TBCK: variants seen among roughly 807,000 people sequenced by gnomAD.
TBCK encodes TBC1 domain containing kinase, also known as TBC domain-containing protein kinase-like protein.
A neutral mutation model predicts 113.4 loss-of-function variants in TBCK; 99 were observed. That is an observed-to-expected ratio of 0.87 (90% CI 0.74 to 1.03). TBCK has a LOEUF of 1.03. Ranked by LOEUF, TBCK falls within the 50% of genes least tolerant of loss-of-function variation. The pLI is 0.00. For missense variants in TBCK, 1,045 were observed against 1,061.3 expected (o/e 0.98, Z 0.21); for synonymous variants, 369 against 370.8 (o/e 1.00, Z 0.05).
intron 20 of TBCK, among the ~76,000 whole-genome samples, chr4:106,199,252 G>A (rs1560806601): frequency 6.6e-6 from 1 of 151,968 alleles, no homozygotes; most frequent in Non-Finnish European, 1.5e-5. Flanking sequence ...TTACCAATCA[G>A]CAGGATTTGA....
At chr4:106,233,701 T>G in intron 15 of TBCK, 51 bp from the exon 16 acceptor site, 1 of 1,353,198 alleles carries the variant, frequency 7.4e-7, no homozygotes, top group South Asian at 1.3e-5. Flanking sequence ...TTAATACAAA[T>G]AGTAATATAG....
Position 106,119,424 on chromosome 4 carries a change from T to C in TBCK, c.2236-3046A>G, listed in dbSNP as rs193197453. Among the ~76,000 whole-genome samples, 416 of 152,116 alleles carry C rather than the reference T, an allele frequency of 2.7e-3. 2 individuals carry two copies. The highest frequency in any genetic ancestry group is 4.1e-3 in the Non-Finnish European group (279 of 67,974). ...CTTTCAGTAGGGGAAAGGACAGTCT[T>C]TTCAATAAATGGTGCTAGAAAAACT... On this transcript the variant is annotated intron_variant, in intron 23 of 25. Transcript: ENST00000394708.
At chr4:106,202,204 G>T (rs1315760576) in intron 20 of TBCK, among the ~76,000 whole-genome samples, 1 of 150,768 alleles carries the variant, frequency 6.6e-6, no homozygotes, top group Non-Finnish European at 1.5e-5. Flanking sequence ...AATTAGGAGA[G>T]GCATGAGCAG....
intron 24 of TBCK, among the ~76,000 whole-genome samples, chr4:106,099,040 T>C (rs1201125204): frequency 1.3e-5 from 2 of 152,144 alleles, no homozygotes; most frequent in African/African-American, 4.8e-5. Flanking sequence ...TCTAGGTTTC[T>C]AAGATATTAA....
intron 23 of TBCK, among the ~76,000 whole-genome samples, chr4:106,155,976 T>C (rs1749077846): frequency 6.6e-6 from 1 of 152,086 alleles, no homozygotes; most frequent in Non-Finnish European, 1.5e-5. Flanking sequence ...ATTGAAGAGT[T>C]AGGTATTTAT....
chr4:106,242,986 G>T (rs1482435253), intron 11 of TBCK, among the ~76,000 whole-genome samples: 1 of 151,030 alleles, frequency 6.6e-6, no homozygotes, highest in Non-Finnish European at 1.5e-5. Context: ...TCTTGCGATA[G>T]TTTACTGAGA....
chr4:106,195,513 T>C (rs1481167271), intron 20 of TBCK, among the ~76,000 whole-genome samples: 1 of 151,962 alleles, frequency 6.6e-6, no homozygotes, highest in Non-Finnish European at 1.5e-5. Flanking sequence ...TGTGTGTTTG[T>C]GTGTGATGGT....
intron 19 of TBCK, among the ~76,000 whole-genome samples, chr4:106,223,157 T>C (rs1043550184): frequency 6.6e-6 from 1 of 152,100 alleles, no homozygotes; most frequent in East Asian, 1.9e-4. Flanking sequence ...AGATGTGCAC[T>C]AAGCTGCACA....
intron 5 of TBCK, among the ~76,000 whole-genome samples, chr4:106,253,608 C>T (rs147115780): frequency 4.6e-5 from 7 of 152,296 alleles, no homozygotes; most frequent in African/African-American, 1.7e-4. Flanking sequence ...TCTTCACCAA[C>T]ACTTGATATT....
At chr4:106,255,045 A>G in intron 5 of TBCK, 2 of 347,586 alleles carry the variant, frequency 5.8e-6, no homozygotes, top group Non-Finnish European at 1.2e-5. Flanking sequence ...TCTCTTTCAC[A>G]TACTGAATTT....
intron 23 of TBCK, among the ~76,000 whole-genome samples, chr4:106,123,766 A>G (rs1225961391): frequency 6.6e-6 from 1 of 151,530 alleles, no homozygotes; most frequent in Admixed American, 6.6e-5. Flanking sequence ...TTCCCTATTT[A>G]ATAAATGGTG....
rs1212840423 is a variant in TBCK at position 106,218,946 on chromosome 4, G to A, written c.1775-6111C>T. Among the ~76,000 whole-genome samples, 39 of 151,888 alleles carry A rather than the reference G, an allele frequency of 2.6e-4. 1 individual carries two copies. The highest frequency in any genetic ancestry group is 4.2e-4 in the South Asian group (2 of 4,780). On this transcript the variant is annotated intron_variant, in intron 19 of 25. Transcript: ENST00000394708. ...ATATGTTTATTGTGGCATTATTCAC[G>A]ATAGCAAAGACTTGGAACCAACCCA...
intron 20 of TBCK, among the ~76,000 whole-genome samples, chr4:106,211,124 TGAGCACAA>T (rs1230138748): frequency 6.6e-6 from 1 of 152,186 alleles, no homozygotes; most frequent in Non-Finnish European, 1.5e-5. Flanking sequence ...TGTTCAGTGC[TGAGCACAA>T]TTTAATTAGG....
At chr4:106,092,417 C>T (rs1241251085) in intron 25 of TBCK, among the ~76,000 whole-genome samples, 1 of 152,246 alleles carries the variant, frequency 6.6e-6, no homozygotes, top group Non-Finnish European at 1.5e-5. Context: ...AGCCCTTGGG[C>T]AGTCGATGGG....
chr4:106,281,355 T>C (rs1431372826), intron 3 of TBCK, among the ~76,000 whole-genome samples: 1 of 152,102 alleles, frequency 6.6e-6, no homozygotes, highest in Non-Finnish European at 1.5e-5. Context: ...GATCATATTA[T>C]CTGTTAACAA....
intron 3 of TBCK, among the ~76,000 whole-genome samples, chr4:106,272,482 T>C (rs563174832): frequency 8.5e-4 from 126 of 149,098 alleles, no homozygotes; most frequent in Non-Finnish European, 1.2e-3. Context: ...AGTCATTGTT[T>C]ATTTAATTTT....
intron 23 of TBCK, among the ~76,000 whole-genome samples, chr4:106,147,716 C>A (rs916522111): frequency 6.6e-6 from 1 of 151,892 alleles, no homozygotes; most frequent in African/African-American, 2.4e-5. Flanking sequence ...GTGATAATTG[C>A]ATTAACTGCA....
chr4:106,057,033 A>C (rs1014483660), intron 25 of TBCK, among the ~76,000 whole-genome samples: 5 of 151,828 alleles, frequency 3.3e-5, no homozygotes, highest in African/African-American at 1.2e-4. Context: ...GAAAGTAAGG[A>C]AAGAAAGTGA....
At chr4:106,129,104 C>G (rs1292812294) in intron 23 of TBCK, among the ~76,000 whole-genome samples, 1 of 152,142 alleles carries the variant, frequency 6.6e-6, no homozygotes, top group East Asian at 1.9e-4. Flanking sequence ...GTGTTTCTAT[C>G]TTACATAATA....
Sources: allele counts gnomAD v4.1 joint callset (sites outside exome capture counted in the v4.1 genomes callset), GRCh38; gene constraint gnomAD v4.1.1; transcripts MANE v1.5; gene names NCBI Gene and HGNC (gene_info 2026-07-23, HGNC 2026-07-21).